The following NEK1 variants were observed in gnomAD, a reference collection of about 807,000 sequenced individuals.
The protein encoded by NEK1 is serine/threonine-protein kinase Nek1.
Under a neutral mutation model 182.1 loss-of-function variants are expected in NEK1, and 137 were observed. That is an observed-to-expected ratio of 0.75 (90% confidence interval 0.65 to 0.87). The LOEUF is 0.87. Among genes scored for constraint, NEK1 ranks in the 40% least tolerant of loss-of-function variants. NEK1 has a pLI of 0.00. For synonymous variants in NEK1, 513 were observed against 492.2 expected, an observed-to-expected ratio of 1.04 and a Z score of -0.56; for missense variants, 1,391 against 1,494.4, an observed-to-expected ratio of 0.93 and a Z score of 1.14.
intron 3 of NEK1, 107 bp from the exon 4 acceptor site, chr4:169,602,211 T>C: frequency 1.3e-6 from 1 of 763,254 alleles, no homozygotes; most frequent in Admixed American, 2.3e-5. Flanking sequence ...TACAGTTCAA[T>C]CAACAAAATA....
intron 2 of NEK1, among the ~76,000 whole-genome samples, chr4:169,607,281 A>G (rs767733808): frequency 6.6e-6 from 1 of 152,238 alleles, no homozygotes; most frequent in Non-Finnish European, 1.5e-5. Context: ...ATCAAAAAAT[A>G]ATGATGCACA....
At chr4:169,454,833 A>G (rs764163956) in intron 27 of NEK1, among the ~76,000 whole-genome samples, 1 of 152,204 alleles carries the variant, frequency 6.6e-6, no homozygotes, top group Non-Finnish European at 1.5e-5. Context: ...TACTGGGTAT[A>G]CACCCAAAGG....
chr4:169,481,574 G>A (rs146280465), intron 23 of NEK1, among the ~76,000 whole-genome samples: 6 of 152,260 alleles, frequency 3.9e-5, no homozygotes, highest in Admixed American at 6.5e-5. Flanking sequence ...CCTTGTCAAT[G>A]AGTAGTAATA....
Position 169,558,305 on chromosome 4 carries a change from T to C in NEK1, c.1267-2210A>G, listed in dbSNP as rs752731272. Among the ~76,000 whole-genome samples the C allele has an allele frequency of 6.6e-4, 100 of 152,362 alleles. 1 individual carries two copies. The highest frequency in any genetic ancestry group is 2.2e-4 in the Non-Finnish European group (15 of 68,042). ...ATATGTTTGTTTGAGACATAATTTA[T>C]GTACAATAAAAATTCACCAATTGTA... On this transcript the variant is annotated intron_variant, in intron 16 of 35. Transcript: ENST00000507142.
At chr4:169,566,736 T>C (rs1033603200) in intron 12 of NEK1, among the ~76,000 whole-genome samples, 1 of 152,108 alleles carries the variant, frequency 6.6e-6, no homozygotes, top group Non-Finnish European at 1.5e-5. Flanking sequence ...AACGGGCCAT[T>C]GTGAATTTCA....
chr4:169,512,685 G>A (rs1754386632), intron 19 of NEK1, among the ~76,000 whole-genome samples: 2 of 151,816 alleles, frequency 1.3e-5, no homozygotes, highest in South Asian at 4.2e-4. Flanking sequence ...TCTTTGCCTA[G>A]TACTAGGTCC....
At chr4:169,532,229 T>C (rs1757789358) in intron 19 of NEK1, among the ~76,000 whole-genome samples, 1 of 152,202 alleles carries the variant, frequency 6.6e-6, no homozygotes, top group Non-Finnish European at 1.5e-5. Context: ...CTTAGAATTT[T>C]ATTGCATTTA....
chr4:169,407,443 A>T (rs531827725), intron 31 of NEK1, among the ~76,000 whole-genome samples: 39 of 152,284 alleles, frequency 2.6e-4, no homozygotes, highest in Middle Eastern at 3.4e-3. Flanking sequence ...AACCTTTCTC[A>T]CTAGAACAGA....
chr4:169,554,749 T>C (rs986706390), intron 18 of NEK1: 7 of 152,176 alleles, frequency 4.6e-5, no homozygotes, highest in Admixed American at 6.6e-5. Flanking sequence ...CCTATAATTA[T>C]ACATTCGTCA....
intron 19 of NEK1, among the ~76,000 whole-genome samples, chr4:169,515,261 T>C (rs57545178): frequency 0.071 from 10,848 of 152,192 alleles, 1,266 homozygotes; most frequent in African/African-American, 0.25. Context: ...TTTGCTATTG[T>C]GGAGTGGAAT....
intron 12 of NEK1, among the ~76,000 whole-genome samples, chr4:169,565,138 G>A (rs1257570484): frequency 1.5e-4 from 23 of 152,120 alleles, no homozygotes; most frequent in East Asian, 9.6e-4. Context: ...CCTCAGAAAA[G>A]ACATTAGAGT....
intron 12 of NEK1, among the ~76,000 whole-genome samples, chr4:169,570,181 G>A (rs1317692445): frequency 2.6e-5 from 4 of 151,238 alleles, no homozygotes; most frequent in South Asian, 2.1e-4. Flanking sequence ...CTGCCCGGCT[G>A]CGACCCCGTC....
intron 22 of NEK1, 36 bp downstream of exon 22, chr4:169,507,665 CTCAGCTTTCAATTT>C (rs765252517): frequency 7.3e-7 from 1 of 1,368,974 alleles, no homozygotes; most frequent in South Asian, 1.3e-5. Context: ...AATTTGCTAT[CTCAGCTTTCAATTT>C]TCTCTAAGAA....
intron 23 of NEK1, among the ~76,000 whole-genome samples, chr4:169,486,241 C>T (rs148671217): frequency 1.4e-4 from 22 of 152,146 alleles, no homozygotes; most frequent in African/African-American, 4.1e-4. Context: ...TTCAACATTG[C>T]TTTTATTGTC....
At chr4:169,436,701 A>G (rs1738477016) in intron 28 of NEK1, among the ~76,000 whole-genome samples, 1 of 152,254 alleles carries the variant, frequency 6.6e-6, no homozygotes. Flanking sequence ...GCCTCAAGAC[A>G]AAGACTAAAT....
intron 18 of NEK1, among the ~76,000 whole-genome samples, chr4:169,540,141 A>C (rs1759173269): frequency 6.6e-6 from 1 of 152,094 alleles, no homozygotes; most frequent in South Asian, 2.1e-4. Context: ...TTCAAACACA[A>C]ACTTAATAAC....
chr4:169,595,864 A>G (rs939010037), intron 5 of NEK1, among the ~76,000 whole-genome samples: 1 of 140,966 alleles, frequency 7.1e-6, no homozygotes, highest in Non-Finnish European at 1.5e-5. Context: ...CAGAGCTTGC[A>G]GTGAGCCGAG....
At chr4:169,557,426 A>G (rs6818590) in intron 16 of NEK1, among the ~76,000 whole-genome samples, 1 of 152,150 alleles carries the variant, frequency 6.6e-6, no homozygotes, top group Non-Finnish European at 1.5e-5. Flanking sequence ...AATTTCATTA[A>G]GAAGAAATCA....
At chr4:169,549,364 G>A (rs1232812748) in intron 18 of NEK1, among the ~76,000 whole-genome samples, 6 of 152,298 alleles carry the variant, frequency 3.9e-5, no homozygotes, top group East Asian at 3.9e-4. Context: ...CTTCTGTGCC[G>A]ATCTTGTTGG....
Sources: allele counts gnomAD v4.1 joint callset (sites outside exome capture counted in the v4.1 genomes callset), GRCh38; gene constraint gnomAD v4.1.1; transcripts MANE v1.5; gene names NCBI Gene and HGNC (gene_info 2026-07-23, HGNC 2026-07-21).